Variants in PGR observed in about 807,000 individuals in gnomAD.
PGR encodes progesterone receptor, also known as nuclear receptor subfamily 3 group C member 3.
In PGR, 25 loss-of-function variants were observed where a neutral mutation model predicts 76.1. That is an observed-to-expected ratio of 0.33 (90% CI 0.24 to 0.46). The LOEUF is 0.46. PGR is among the 20% of genes least tolerant of loss of function. The pLI, the probability that PGR is intolerant of heterozygous loss-of-function variation, is 1.00. For missense variants in PGR, 1,172 were observed against 1,225.3 expected, an observed-to-expected ratio of 0.96 and a Z score of 0.65; for synonymous variants, 579 against 535.0, an observed-to-expected ratio of 1.08 and a Z score of -1.14.
chr11:101,106,723 C>T (rs180988456), intron 2 of PGR, among the ~76,000 whole-genome samples: 1 of 152,142 alleles, frequency 6.6e-6, no homozygotes. Context: ...GGGTATAAAC[C>T]CAGAGGATTA....
In PGR at chr11:101,036,049, C is replaced by T. The variant is rs1480110571; in HGVS notation, c.*3067G>A. ...AGCAGTTAAATGACTTGCTTAATCT[C>T]ATCCAGCTAGTAAGTGGCAGAGAAG... is the stretch of plus-strand genomic sequence containing the variant. On this transcript the variant is annotated 3_prime_UTR_variant, in exon 8 of 8. Transcript: ENST00000325455. The T allele has an allele frequency of 9.0e-6, 2 of 223,346 alleles. No homozygotes were observed. Among genetic ancestry groups the T allele is most frequent in the African/African-American group, 4.5e-5 (2 of 44,784 alleles). The allele number at this position is 223,346 out of a possible 1,614,324, so 13.8% of individuals were successfully genotyped here.
chr11:101,080,512 A>G (rs1191446170), intron 3 of PGR, among the ~76,000 whole-genome samples: 2 of 151,954 alleles, frequency 1.3e-5, no homozygotes, highest in African/African-American at 2.4e-5. Flanking sequence ...ATAAGTACAA[A>G]AATTTGAAGT....
At position 101,128,940 on chromosome 11, in the gene PGR, G is replaced by A. The variant is rs141862537; in HGVS notation, c.131C>T (p.Thr44Ile). ...GPFPGSQTSD[T>I]LPEVSAIPIS... ...AGGTATGGCCGAAACTTCAGGCAAG[G>A]TGTCCGAGGTCTGGCTCCCCGGGAA... Residue 44 changes from threonine (T) to isoleucine (I), a missense_variant, in exon 1 of 8, where the codon ACC (threonine) becomes ATC (isoleucine). Physicochemically the swap from Thr to Ile is moderately conservative, Grantham distance 89 (BLOSUM62 -1). This residue lies in a region of PGR where 893 missense variants were observed against 785.9 expected (regional missense o/e 1.14). Transcript: ENST00000325455. The A allele has an allele frequency of 9.3e-6, 15 of 1,611,076 alleles. No individual in the cohort carries two copies. The highest frequency in any genetic ancestry group is 8.0e-5 in the African/African-American group (6 of 74,888).
intron 2 of PGR, among the ~76,000 whole-genome samples, chr11:101,113,427 A>ATT (rs386374672): frequency 0.36 from 53,244 of 147,080 alleles, 12,024 homozygotes; most frequent in Non-Finnish European, 0.51. Context: ...ATGCCTGGCT[A>ATT]TTTTTTTTTT....
rs765261089 is a variant in PGR at position 101,031,335 on chromosome 11, A to C, written c.*7781T>G. ...GGCCAGTGAGGACCTGGAGAAAGAA[A>C]CCTCCTTCCCACAGCTACCATGTAC... On this transcript the variant is annotated 3_prime_UTR_variant, in exon 8 of 8. Transcript: ENST00000325455. The C allele has an allele frequency of 3.1e-4, 69 of 222,572 alleles. No individual in the cohort carries two copies. The highest frequency in any genetic ancestry group is 1.5e-3 in the Admixed American group (27 of 17,430). The allele number at this position is 222,572 out of a possible 1,614,324, so 13.8% of individuals were successfully genotyped here.
chr11:101,083,141 C>A (rs1034207571), intron 3 of PGR, among the ~76,000 whole-genome samples: 1 of 152,166 alleles, frequency 6.6e-6, no homozygotes, highest in African/African-American at 2.4e-5. Flanking sequence ...TAAAAGGGGC[C>A]AAGGTACAGC....
rs898580488 is a variant in PGR at position 101,030,705 on chromosome 11, A to C, written c.*8411T>G. 4 of 208,206 alleles carry C rather than the reference A, an allele frequency of 1.9e-5. No homozygotes were observed. Among genetic ancestry groups the C allele is most frequent in the African/African-American group, 6.8e-5 (3 of 43,994 alleles). The allele number at this position is 208,206 out of a possible 1,614,324, so 12.9% of individuals were successfully genotyped here. Reference sequence around the variant, plus strand: ...CAGTTGGTCTTTGAAATCCACAGAAAGGCAAGTCTGGAGATTAGGGCTTTC... The same window carrying C: ...CAGTTGGTCTTTGAAATCCACAGAACGGCAAGTCTGGAGATTAGGGCTTTC... On this transcript the variant is annotated 3_prime_UTR_variant, in exon 8 of 8. Coordinates refer to ENST00000325455, the MANE Select transcript of PGR (RefSeq NM_000926.4).
intron 2 of PGR, among the ~76,000 whole-genome samples, chr11:101,099,873 G>A (rs1003304730): frequency 6.6e-6 from 1 of 152,170 alleles, no homozygotes; most frequent in Non-Finnish European, 1.5e-5. Context: ...CTTCCCACAC[G>A]TTGGCCCTGG....
At chr11:101,059,182 CT>C (rs1392903036) in intron 4 of PGR, among the ~76,000 whole-genome samples, 1 of 151,822 alleles carries the variant, frequency 6.6e-6, no homozygotes. Context: ...CTTGTTTCTC[CT>C]GTAAGATGCA....
At chr11:101,114,291 A>T (rs1338005883) in intron 2 of PGR, among the ~76,000 whole-genome samples, 1 of 152,140 alleles carries the variant, frequency 6.6e-6, no homozygotes, top group Non-Finnish European at 1.5e-5. Flanking sequence ...AACTTGGCTC[A>T]TCCATTTTTG....
intron 2 of PGR, among the ~76,000 whole-genome samples, chr11:101,122,957 T>C (rs534038855): frequency 6.6e-6 from 1 of 152,332 alleles, no homozygotes; most frequent in South Asian, 2.1e-4. Flanking sequence ...TTTACCTTCC[T>C]AGATGTTTCA....
intron 3 of PGR, among the ~76,000 whole-genome samples, chr11:101,086,275 G>A (rs1406619671): frequency 6.6e-6 from 1 of 152,088 alleles, no homozygotes; most frequent in East Asian, 1.9e-4. Flanking sequence ...TGGTATGGAA[G>A]GTTAGCTCAA....
Position 101,037,520 on chromosome 11 carries a change from T to A in PGR, c.*1596A>T, listed in dbSNP as rs1859550780. On this transcript the variant is annotated 3_prime_UTR_variant, in exon 8 of 8. Coordinates refer to ENST00000325455, the MANE Select transcript of PGR (RefSeq NM_000926.4). The stretch of plus-strand genomic sequence containing the variant: ...AGGCTACATAAACATAAGAAATAAT[T>A]GTTTTGTGGAATTTTGCTTAGGGAG... The A allele has an allele frequency of 4.4e-6, 1 of 227,526 alleles. No individual in the cohort carries two copies. The highest frequency in any genetic ancestry group is 1.8e-4 in the South Asian group (1 of 5,492). 14.1% of individuals were successfully genotyped at this position (227,526 alleles called of 1,614,324 possible).
At chr11:101,086,567 A>C (rs1861508224) in intron 3 of PGR, among the ~76,000 whole-genome samples, 2 of 152,040 alleles carry the variant, frequency 1.3e-5, no homozygotes, top group Admixed American at 1.3e-4. Flanking sequence ...TCCTGTTAAC[A>C]CTGGAAGTGC....
rs1591363300 is a variant in PGR at position 101,038,346 on chromosome 11, G to A, written c.*770C>T. On this transcript the variant is annotated 3_prime_UTR_variant, in exon 8 of 8. Transcript: ENST00000325455. ...CCACAGTTGGTAAGGAGTACAGTTA[G>A]GCCATAATCTTCTGATTTCTTATGT... 1.9e-5 allele frequency: 4 copies of A among 208,846 alleles called. No individual in the cohort carries two copies. The East Asian group carries it at 2.9e-4, about 15-fold the overall frequency. The allele number at this position is 208,846 out of a possible 1,614,324, so 12.9% of individuals were successfully genotyped here. A position where few individuals can be genotyped will look rare whatever the true frequency, so the allele number is the denominator to read the frequency against.
intron 3 of PGR, among the ~76,000 whole-genome samples, chr11:101,088,523 G>A (rs903986334): frequency 2.0e-5 from 3 of 151,916 alleles, no homozygotes; most frequent in East Asian, 1.9e-4. Flanking sequence ...TAGTAGAGAC[G>A]GGGTTTCACT....
In PGR at chr11:101,124,108, G is replaced by A. The variant is rs144843450; in HGVS notation, c.1789+1899C>T. ...GTTCATAATCTTGTTCTAGTTTCAT[G>A]AATGATTTATCTGCATCAATCTTAA... is the stretch of plus-strand genomic sequence containing the variant. On this transcript the variant is annotated intron_variant, in intron 2 of 7. Coordinates refer to ENST00000325455, the MANE Select transcript of PGR (RefSeq NM_000926.4). 4.3e-3 allele frequency among the ~76,000 whole-genome samples: 656 copies of A among 152,286 alleles called. 8 individuals are homozygous for A. Among genetic ancestry groups the A allele is most frequent in the African/African-American group, 0.015 (636 of 41,558 alleles).
chr11:101,069,440 A>G (rs1432184698), intron 3 of PGR, among the ~76,000 whole-genome samples: 1 of 152,242 alleles, frequency 6.6e-6, no homozygotes, highest in Non-Finnish European at 1.5e-5. Flanking sequence ...ACCACTGTAG[A>G]AGACAGTGTG....
At chr11:101,062,995 C>T (rs1860571058) in intron 3 of PGR, 2 of 389,276 alleles carry the variant, frequency 5.1e-6, no homozygotes, top group Non-Finnish European at 9.4e-6. Flanking sequence ...TCAACAATCA[C>T]TGGGTGGGTG....
Sources: gnomAD v4.1 joint callset for allele counts (sites outside exome capture counted in the v4.1 genomes callset) on GRCh38, gnomAD v4.1.1 for gene constraint, gnomAD v4.1.1 regional missense constraint, MANE v1.5 for transcripts, NCBI Gene and HGNC (gene_info 2026-07-23, HGNC 2026-07-21) for gene names.